The following DDR2 variants were observed in gnomAD, a reference collection of about 807,000 sequenced individuals.
DDR2 encodes discoidin domain-containing receptor 2.
A neutral mutation model predicts 94.9 loss-of-function variants in DDR2; 27 were observed. The observed-to-expected ratio is 0.28, with a 90% CI of 0.21 to 0.39. DDR2 has a LOEUF of 0.39. DDR2 is among the 10% of genes least tolerant of loss of function. DDR2 has a pLI of 1.00. For synonymous variants in DDR2, 382 were observed against 377.2 expected (o/e 1.01, Z -0.15); for missense variants, 783 against 1,076.0 (o/e 0.73, Z 3.81).
rs75932087 is a variant in DDR2, at chr1:162,767,451, A to G, written c.1293+92A>G. The G allele has an allele frequency of 0.035, 53,129 of 1,538,990 alleles. 1,127 individuals are homozygous for G. Among genetic ancestry groups the G allele is most frequent in the Non-Finnish European group, 0.04 (45,772 of 1,134,076 alleles). On this transcript the variant is annotated intron_variant, in intron 11 of 17. Transcript: ENST00000367921. The stretch of plus-strand genomic sequence containing the variant: ...CAGGAGTAAAAGGCAAATTGCAAAC[A>G]TTTATTAATGGTTGGAATTAACTGA...
chr1:162,751,680 A>G (rs1032902468), intron 3 of DDR2, among the ~76,000 whole-genome samples: 3 of 152,256 alleles, frequency 2.0e-5, no homozygotes, highest in African/African-American at 7.2e-5. Flanking sequence ...TCATGCTGCT[A>G]TAAAGACACA....
intron 2 of DDR2, among the ~76,000 whole-genome samples, chr1:162,675,081 C>A (rs973249027): frequency 7.9e-5 from 12 of 151,840 alleles, no homozygotes; most frequent in Admixed American, 7.9e-4. Context: ...TGCTTGGACT[C>A]GGGAGGTGGA....
intron 13 of DDR2, among the ~76,000 whole-genome samples, chr1:162,773,196 A>G (rs1228595818): frequency 1.3e-5 from 2 of 152,248 alleles, no homozygotes; most frequent in Non-Finnish European, 2.9e-5. Context: ...ATGCTGTAAT[A>G]TAATATTGTT....
At chr1:162,697,422 G>T (rs962910906) in intron 2 of DDR2, among the ~76,000 whole-genome samples, 2 of 152,114 alleles carry the variant, frequency 1.3e-5, no homozygotes, top group East Asian at 3.9e-4. Flanking sequence ...AACAAATGTC[G>T]GGTTAGACCT....
At chr1:162,683,877 TAGAAAG>T (rs1375181313) in intron 2 of DDR2, among the ~76,000 whole-genome samples, 6 of 152,184 alleles carry the variant, frequency 3.9e-5, no homozygotes, top group Admixed American at 2.0e-4. Flanking sequence ...TTAAAATAGA[TAGAAAG>T]AGGATTATTC....
Position 162,780,533 on chromosome 1 carries a change from A to G in DDR2, c.*287A>G, listed in dbSNP as rs1243551002. 3 of 376,018 alleles carry G rather than the reference A, an allele frequency of 8.0e-6. No individual in the cohort carries two copies. Among genetic ancestry groups the G allele is most frequent in the African/African-American group, 6.1e-5 (3 of 49,106 alleles). 23.3% of individuals were successfully genotyped at this position (376,018 alleles called of 1,614,324 possible). Reference sequence around the variant, plus strand: ...ACCAAAGTGTTGGATAACAAAGGCTAGAAAATTCAGATAATTTATAAAGGT... The same window carrying G: ...ACCAAAGTGTTGGATAACAAAGGCTGGAAAATTCAGATAATTTATAAAGGT... On this transcript the variant is annotated 3_prime_UTR_variant, in exon 18 of 18. Transcript: ENST00000367921.
chr1:162,677,489 C>T (rs1210959457), intron 2 of DDR2, among the ~76,000 whole-genome samples: 1 of 152,164 alleles, frequency 6.6e-6, no homozygotes, highest in African/African-American at 2.4e-5. Context: ...CTTCTTATGC[C>T]TTTTCCCAGT....
chr1:162,754,550 G>A (rs1663361707), intron 4 of DDR2, 74 bp from the exon 5 acceptor site: 3 of 1,475,482 alleles, frequency 2.0e-6, no homozygotes, highest in Non-Finnish European at 2.8e-6. Context: ...CAGGGCAGCT[G>A]CTTGCCTGTG....
chr1:162,766,465 A>G (rs1663993694), intron 10 of DDR2, among the ~76,000 whole-genome samples: 1 of 152,196 alleles, frequency 6.6e-6, no homozygotes, highest in African/African-American at 2.4e-5. Context: ...TTAGGCAGTC[A>G]TTGGTGACAC....
At chr1:162,743,072 T>G (rs1662688616) in intron 3 of DDR2, among the ~76,000 whole-genome samples, 1 of 152,108 alleles carries the variant, frequency 6.6e-6, no homozygotes, top group African/African-American at 2.4e-5. Flanking sequence ...AACATAGAAG[T>G]GTTCCTGTGG....
intron 3 of DDR2, among the ~76,000 whole-genome samples, chr1:162,751,058 G>A (rs1041329067): frequency 6.6e-6 from 1 of 152,108 alleles, no homozygotes; most frequent in Non-Finnish European, 1.5e-5. Context: ...AGAAAACCTA[G>A]GCAATACCAT....
At position 162,775,311 on chromosome 1, in the gene DDR2, C is replaced by T. The variant is rs188964579; in HGVS notation, c.1857-341C>T. The stretch of plus-strand genomic sequence containing the variant: ...ACTTAAGATATGATTTTCAGTGAAA[C>T]ATTTTACTCTGTAGAGTGGTTTTTA... On this transcript the variant is annotated intron_variant, in intron 14 of 17. Transcript: ENST00000367921. 4.0e-3 allele frequency among the ~76,000 whole-genome samples: 600 copies of T among 150,108 alleles called. 1 individual carries two copies. The highest frequency in any genetic ancestry group is 5.5e-3 in the Non-Finnish European group (375 of 67,754).
intron 2 of DDR2, among the ~76,000 whole-genome samples, chr1:162,707,008 A>G (rs937970934): frequency 1.3e-5 from 2 of 152,078 alleles, no homozygotes; most frequent in African/African-American, 4.8e-5. Flanking sequence ...TGTTTGGAGG[A>G]AGGGGTAGGG....
chr1:162,680,224 G>A (rs1370720127), intron 2 of DDR2, among the ~76,000 whole-genome samples: 1 of 152,040 alleles, frequency 6.6e-6, no homozygotes. Flanking sequence ...TGTCCAGAAT[G>A]GTATTTCCTA....
chr1:162,693,283 C>A (rs957204933), intron 2 of DDR2, among the ~76,000 whole-genome samples: 3 of 152,072 alleles, frequency 2.0e-5, no homozygotes, highest in African/African-American at 7.2e-5. Flanking sequence ...TTGAGCTTTA[C>A]GTGTGCAATT....
rs1256488929 is a variant in DDR2, at chr1:162,778,593, C to G, written c.2297C>G (p.Thr766Arg). The change falls in exon 17 of 18, where the codon ACA becomes AGA. Residue 766 changes from threonine (T) to arginine (R), a missense_variant. By Grantham distance (71) the Thr-to-Arg change is moderately conservative (BLOSUM62 -1). Transcript: ENST00000367921. ...TTACTTAAATAGGGCAAGTTCACTA[C>G]AGCAAGTGATGTGTGGGCCTTTGGG... is the stretch of plus-strand genomic sequence containing the variant. The part of the protein sequence containing the change: ...WESILLGKFT[T>R]ASDVWAFGVT... 10 of 1,614,002 alleles carry G rather than the reference C, an allele frequency of 6.2e-6. No individual in the cohort carries two copies. The highest frequency in any genetic ancestry group is 7.6e-6 in the Non-Finnish European group (9 of 1,179,902).
chr1:162,757,295 A>G (rs998093530), intron 7 of DDR2, among the ~76,000 whole-genome samples: 1 of 152,236 alleles, frequency 6.6e-6, no homozygotes, highest in African/African-American at 2.4e-5. Flanking sequence ...ACCAGTAAAG[A>G]TATGGTAGAA....
chr1:162,739,594 A>C (rs1419826516), intron 3 of DDR2, among the ~76,000 whole-genome samples: 4 of 152,232 alleles, frequency 2.6e-5, no homozygotes. Context: ...GGCGTGAGCC[A>C]CCATGCCTGG....
chr1:162,672,514 A>C (rs1345386198), intron 2 of DDR2, among the ~76,000 whole-genome samples: 1 of 152,180 alleles, frequency 6.6e-6, no homozygotes, highest in Non-Finnish European at 1.5e-5. Context: ...ATATTCTTTT[A>C]AAGACTATAT....
Sources: allele counts gnomAD v4.1 joint callset (sites outside exome capture counted in the v4.1 genomes callset), GRCh38; gene constraint gnomAD v4.1.1; transcripts MANE v1.5; gene names NCBI Gene and HGNC (gene_info 2026-07-23, HGNC 2026-07-21).